FBXO42: variants seen among roughly 807,000 people sequenced by gnomAD.
The protein encoded by FBXO42 is F-box protein 42.
In FBXO42, 12 loss-of-function variants were observed where a neutral mutation model predicts 71.7. That is an observed-to-expected ratio of 0.17 (90% confidence interval 0.11 to 0.27). The LOEUF (loss-of-function observed/expected upper bound fraction) is 0.27, where lower values mean the gene tolerates loss of function less well. FBXO42 is among the 10% of genes least tolerant of loss of function. FBXO42 has a pLI of 1.00. For synonymous variants in FBXO42, 325 were observed against 327.5 expected (o/e 0.99, Z 0.08); for missense variants, 707 against 911.9 (o/e 0.78, Z 2.89).
chr1:16,328,499 A>C (rs6660695), intron 1 of FBXO42, among the ~76,000 whole-genome samples: 3,024 of 152,318 alleles, frequency 0.02, 84 homozygotes, highest in African/African-American at 0.069. Context: ...ATTTACAAAT[A>C]GTCAAGGAAG....
intron 2 of FBXO42, among the ~76,000 whole-genome samples, chr1:16,313,796 C>T (rs1238537925): frequency 3.3e-5 from 5 of 152,132 alleles, no homozygotes; most frequent in African/African-American, 4.8e-5. Flanking sequence ...AGACAACCCT[C>T]GCTTGATAAA....
chr1:16,283,461 C>T (rs1010596762), intron 4 of FBXO42, among the ~76,000 whole-genome samples: 3 of 148,226 alleles, frequency 2.0e-5, no homozygotes, highest in Non-Finnish European at 4.4e-5. Flanking sequence ...TAAATCTTTA[C>T]CTGGCATTTA....
chr1:16,315,895 G>C (rs938493030), intron 1 of FBXO42, among the ~76,000 whole-genome samples: 1 of 152,078 alleles, frequency 6.6e-6, no homozygotes, highest in Non-Finnish European at 1.5e-5. Context: ...TTTCGACCAG[G>C]CATGGTGGCT....
chr1:16,350,605 G>T (rs1178007506), intron 1 of FBXO42, among the ~76,000 whole-genome samples: 7 of 149,370 alleles, frequency 4.7e-5, no homozygotes, highest in Non-Finnish European at 8.9e-5. Flanking sequence ...AAAATTAGCG[G>T]GCGTGGTGGC....
chr1:16,255,029 C>G (rs1014705636), intron 6 of FBXO42, among the ~76,000 whole-genome samples: 2 of 152,208 alleles, frequency 1.3e-5, no homozygotes, highest in African/African-American at 2.4e-5. Context: ...TCCTGTCAAT[C>G]TCCCCCTCTT....
intron 1 of FBXO42, among the ~76,000 whole-genome samples, chr1:16,350,486 C>G (rs371427927): frequency 6.8e-6 from 1 of 146,492 alleles, no homozygotes; most frequent in African/African-American, 2.5e-5. Context: ...GTGGCTCAAG[C>G]CTGGGGTGGG....
At chr1:16,283,928 G>T (rs904867782) in intron 4 of FBXO42, among the ~76,000 whole-genome samples, 1 of 152,078 alleles carries the variant, frequency 6.6e-6, no homozygotes. Flanking sequence ...CTTCTATCTT[G>T]ATTTAAAGTA....
At position 16,253,162 on chromosome 1, in the gene FBXO42, G is replaced by C. The variant is rs1273983728; in HGVS notation, c.865-10C>G. On this transcript the variant is annotated splice_polypyrimidine_tract_variant and intron_variant, in intron 7 of 9. Coordinates refer to ENST00000375592, the MANE Select transcript of FBXO42 (RefSeq NM_018994.3). ...CATCATCTATGACAATCTGAGGAGG[G>C]GAAGACATTGAAAATAAACCTACAA... 1 of 1,611,360 alleles carries C rather than the reference G, an allele frequency of 6.2e-7. No individual in the cohort carries two copies. The highest frequency in any genetic ancestry group is 1.1e-5 in the South Asian group (1 of 90,422).
chr1:16,279,722 G>T (rs1553151049), intron 4 of FBXO42, among the ~76,000 whole-genome samples: 1 of 151,846 alleles, frequency 6.6e-6, no homozygotes, highest in Non-Finnish European at 1.5e-5. Flanking sequence ...GAAAGCAATA[G>T]ACTATAAAAA....
chr1:16,281,664 CT>C (rs1347142983), intron 4 of FBXO42, among the ~76,000 whole-genome samples: 109 of 139,378 alleles, frequency 7.8e-4, no homozygotes, highest in Middle Eastern at 3.8e-3. Context: ...CTTTTTCTTT[CT>C]TTTTTTTTTT....
rs574048252 is a variant in FBXO42 at position 16,309,366 on chromosome 1, C to T, written c.251-3447G>A. On this transcript the variant is annotated intron_variant, in intron 2 of 9. Coordinates refer to ENST00000375592, the MANE Select transcript of FBXO42 (RefSeq NM_018994.3). ...TGCTGGGATTATAGGCATGAGCCAC[C>T]GCGCCTGGCCAACCCCATCTCTTAA... Among the ~76,000 whole-genome samples the T allele has an allele frequency of 5.3e-5, 8 of 151,958 alleles. No homozygotes were observed. In the East Asian group the frequency reaches 9.7e-4, roughly 18 times the overall value.
chr1:16,337,933 A>ACAGTGGC (rs1159765840), intron 1 of FBXO42, among the ~76,000 whole-genome samples: 2 of 141,614 alleles, frequency 1.4e-5, no homozygotes, highest in East Asian at 4.4e-4. Context: ...TAGGCCAAAC[A>ACAGTGGC]CAGTGGCTCA....
At chr1:16,285,779 C>T (rs1217973484) in intron 4 of FBXO42, among the ~76,000 whole-genome samples, 2 of 152,204 alleles carry the variant, frequency 1.3e-5, no homozygotes, top group African/African-American at 2.4e-5. Flanking sequence ...CTCCGATGTT[C>T]TCCTTCCTTA....
At chr1:16,281,546 G>C (rs1179189056) in intron 4 of FBXO42, among the ~76,000 whole-genome samples, 1 of 149,224 alleles carries the variant, frequency 6.7e-6, no homozygotes, top group Non-Finnish European at 1.5e-5. Context: ...ATGGTTCACT[G>C]TGACCTCTGC....
chr1:16,278,238 C>G (rs1039085889), intron 4 of FBXO42, among the ~76,000 whole-genome samples: 2 of 151,858 alleles, frequency 1.3e-5, no homozygotes, highest in African/African-American at 2.4e-5. Flanking sequence ...TGCCTGTAAT[C>G]CCAGCTACTC....
chr1:16,299,143 C>G (rs1046423861), intron 3 of FBXO42, among the ~76,000 whole-genome samples: 1 of 151,926 alleles, frequency 6.6e-6, no homozygotes, highest in African/African-American at 2.4e-5. Flanking sequence ...TCCCGAGTAG[C>G]TGGGATTACA....
intron 2 of FBXO42, among the ~76,000 whole-genome samples, chr1:16,307,329 T>C (rs1356721669): frequency 6.6e-6 from 1 of 152,044 alleles, no homozygotes; most frequent in Non-Finnish European, 1.5e-5. Flanking sequence ...CAAGACCCCA[T>C]TTCTCTGCAA....
intron 4 of FBXO42, among the ~76,000 whole-genome samples, chr1:16,260,044 G>A (rs1266096007): frequency 6.6e-5 from 10 of 152,218 alleles, no homozygotes; most frequent in African/African-American, 2.2e-4. Flanking sequence ...TTTTAACTTT[G>A]TCAACAGTGT....
chr1:16,256,695 A>G lies in FBXO42; in HGVS notation c.567T>C (p.Phe189=), dbSNP rs761199756. ...LVVYKDLLVL[F]GGWTRPSPYP... ...AAGGGCTTGGCCGCGTCCAGCCACC[A>G]AACAGCACTAGCAAGTCCTTGTACA... The change falls in exon 5 of 10, where the codon TTT becomes TTC. Residue 189 remains phenylalanine, a synonymous_variant. Transcript: ENST00000375592. 3.1e-6 allele frequency: 5 copies of G among 1,614,226 alleles called. No individual in the cohort carries two copies. The Admixed American group carries it at 8.3e-5, about 27-fold the overall frequency.
Sources: allele counts gnomAD v4.1 joint callset (sites outside exome capture counted in the v4.1 genomes callset), GRCh38; gene constraint gnomAD v4.1.1; transcripts MANE v1.5; gene names NCBI Gene and HGNC (gene_info 2026-07-23, HGNC 2026-07-21).